RGS6: variants seen among roughly 807,000 people sequenced by gnomAD.
RGS6 encodes regulator of G-protein signaling 6.
RGS6 carries 30 observed loss-of-function variants against 78.5 expected under a neutral mutation model. That is an observed-to-expected ratio of 0.38 (90% CI 0.29 to 0.52). The LOEUF (loss-of-function observed/expected upper bound fraction) is 0.52, where lower values mean the gene tolerates loss of function less well. Among genes scored for constraint, RGS6 ranks in the 20% least tolerant of loss-of-function variants. The probability of loss-of-function intolerance (pLI) is 0.85; values close to 1 mark genes in which losing one functional copy is unlikely to be tolerated. For synonymous variants in RGS6, 206 were observed against 206.0 expected (o/e 1.00, Z 0.00); for missense variants, 495 against 609.7 (o/e 0.81, Z 1.98).
intron 2 of RGS6, among the ~76,000 whole-genome samples, chr14:71,996,645 C>G (rs1050903818): frequency 2.0e-5 from 3 of 152,130 alleles, no homozygotes; most frequent in African/African-American, 7.2e-5. Flanking sequence ...TTTTATTGCT[C>G]TATGTCTTGT....
At chr14:72,120,250 A>G (rs938351064) in intron 2 of RGS6, among the ~76,000 whole-genome samples, 2 of 152,224 alleles carry the variant, frequency 1.3e-5, no homozygotes, top group African/African-American at 2.4e-5. Flanking sequence ...GAGATTATCT[A>G]TTGAGGTAGT....
At chr14:72,114,955 GTT>G (rs1238962738) in intron 2 of RGS6, among the ~76,000 whole-genome samples, 1 of 152,232 alleles carries the variant, frequency 6.6e-6, no homozygotes, top group Non-Finnish European at 1.5e-5. Context: ...CATCCAGCCT[GTT>G]TTGTGGGAAG....
intron 2 of RGS6, among the ~76,000 whole-genome samples, chr14:72,192,114 G>A (rs1379290951): frequency 3.9e-5 from 6 of 152,320 alleles, no homozygotes; most frequent in Non-Finnish European, 8.8e-5. Flanking sequence ...TTATCGCACA[G>A]TGGCTTACAT....
chr14:72,402,391 G>A (rs1300517564), intron 3 of RGS6, among the ~76,000 whole-genome samples: 1 of 152,136 alleles, frequency 6.6e-6, no homozygotes, highest in Non-Finnish European at 1.5e-5. Context: ...AAAGACAATG[G>A]TCTAACTGGA....
intron 2 of RGS6, among the ~76,000 whole-genome samples, chr14:72,056,185 G>C (rs562803851): frequency 6.6e-6 from 1 of 152,180 alleles, no homozygotes; most frequent in Non-Finnish European, 1.5e-5. Flanking sequence ...CTCATTTACA[G>C]ATGGGGGGAT....
chr14:72,239,953 A>G (rs1467839451), intron 2 of RGS6, among the ~76,000 whole-genome samples: 5 of 152,176 alleles, frequency 3.3e-5, no homozygotes, highest in Admixed American at 3.3e-4. Flanking sequence ...CACTAACACC[A>G]CTGTCTTGGT....
At chr14:72,074,619 T>C (rs897379361) in intron 2 of RGS6, among the ~76,000 whole-genome samples, 2 of 152,238 alleles carry the variant, frequency 1.3e-5, no homozygotes, top group Non-Finnish European at 1.5e-5. Flanking sequence ...TATAACCTTT[T>C]GAGGTTGTAC....
the RGS6 span, among the ~76,000 whole-genome samples, chr14:71,885,419 G>A: frequency 6.6e-6 from 1 of 152,340 alleles, no homozygotes; most frequent in Admixed American, 6.5e-5. Context: ...CAGTATTACA[G>A]CCCTCTCTGG....
At chr14:72,310,882 C>A (rs1288685007) in intron 2 of RGS6, among the ~76,000 whole-genome samples, 1 of 152,204 alleles carries the variant, frequency 6.6e-6, no homozygotes, top group Admixed American at 6.5e-5. Context: ...ATTGAGAGTT[C>A]AGAATTCATA....
intron 2 of RGS6, among the ~76,000 whole-genome samples, chr14:72,051,711 A>G (rs940850706): frequency 1.3e-5 from 2 of 152,226 alleles, no homozygotes; most frequent in African/African-American, 4.8e-5. Flanking sequence ...TGTAAAATCC[A>G]GTAAAATTGA....
intron 2 of RGS6, among the ~76,000 whole-genome samples, chr14:72,028,154 A>G (rs1012412538): frequency 1.3e-5 from 2 of 152,160 alleles, no homozygotes; most frequent in Non-Finnish European, 2.9e-5. Context: ...ACGAACTTCT[A>G]TCTGGTTGGA....
chr14:72,477,135 G>A (rs1222983862), intron 11 of RGS6: 1 of 347,844 alleles, frequency 2.9e-6, no homozygotes, highest in Non-Finnish European at 5.3e-6. Context: ...GTGGGAGCTG[G>A]AGGAAGGAGG....
the RGS6 span, among the ~76,000 whole-genome samples, chr14:72,615,372 C>G: frequency 1.3e-5 from 2 of 152,118 alleles, no homozygotes; most frequent in East Asian, 1.9e-4. Context: ...CCACTTGCCC[C>G]GAAAGGAAAA....
At chr14:71,898,963 T>C in the RGS6 span, among the ~76,000 whole-genome samples, 441 of 152,332 alleles carry the variant, frequency 2.9e-3, 3 homozygotes, top group African/African-American at 0.01. Context: ...ATTAATGCTG[T>C]GATGAACTCT....
At chr14:71,949,982 G>A (rs147552813) in intron 1 of RGS6, among the ~76,000 whole-genome samples, 2 of 152,114 alleles carry the variant, frequency 1.3e-5, no homozygotes, top group Non-Finnish European at 2.9e-5. Context: ...AGTCACATTT[G>A]TGGTCTGTCT....
At chr14:72,444,960 T>C (rs2095326225) in intron 3 of RGS6, among the ~76,000 whole-genome samples, 1 of 57,540 alleles carries the variant, frequency 1.7e-5, no homozygotes, top group Non-Finnish European at 3.6e-5. Flanking sequence ...AAAAGCAGGC[T>C]CACCCTGCAG....
intron 2 of RGS6, among the ~76,000 whole-genome samples, chr14:72,034,937 C>T (rs912812266): frequency 6.6e-5 from 10 of 152,032 alleles, no homozygotes; most frequent in Non-Finnish European, 7.4e-5. Flanking sequence ...TGGAAAATTG[C>T]GGAAATAAAC....
At chr14:72,546,470 G>C (rs550852241) in intron 17 of RGS6, among the ~76,000 whole-genome samples, 6 of 152,312 alleles carry the variant, frequency 3.9e-5, no homozygotes, top group African/African-American at 1.4e-4. Context: ...CTGGGCCCTA[G>C]ACCCTGACGT....
At chr14:72,144,395 T>C (rs2096580427) in intron 2 of RGS6, among the ~76,000 whole-genome samples, 1 of 152,224 alleles carries the variant, frequency 6.6e-6, no homozygotes, top group South Asian at 2.1e-4. Flanking sequence ...CCGATGAATG[T>C]TACCCTGTCC....
Sources: allele counts gnomAD v4.1 joint callset (sites outside exome capture counted in the v4.1 genomes callset), GRCh38; gene constraint gnomAD v4.1.1; transcripts MANE v1.5; gene names NCBI Gene and HGNC (gene_info 2026-07-23, HGNC 2026-07-21).